The following TOP3B variants were observed in gnomAD, a reference collection of about 807,000 sequenced individuals.
TOP3B encodes DNA topoisomerase 3-beta-1.
Under a neutral mutation model 93.9 loss-of-function variants are expected in TOP3B, and 45 were observed. That is an observed-to-expected ratio of 0.48 (90% CI 0.38 to 0.61). The LOEUF (loss-of-function observed/expected upper bound fraction) is 0.61, where lower values mean the gene tolerates loss of function less well. Ranked by LOEUF, TOP3B falls within the 20% of genes least tolerant of loss-of-function variation. The pLI, the probability that TOP3B is intolerant of heterozygous loss-of-function variation, is 0.00. For missense variants in TOP3B, 750 were observed against 1,156.1 expected, an observed-to-expected ratio of 0.65 and a Z score of 5.09; for synonymous variants, 357 against 472.6, an observed-to-expected ratio of 0.76 and a Z score of 3.17.
In TOP3B at chr22:21,964,315, C is replaced by T; in HGVS notation, c.944G>A (p.Gly315Asp). Residue 315 changes from glycine (G) to aspartate (D), a missense_variant and splice_region_variant, in exon 10 of 18, where the codon GGC (glycine) becomes GAC (aspartate). By Grantham distance (94) the Gly-to-Asp change is moderately conservative. This residue lies in a region of TOP3B where 737 missense variants were observed against 933.7 expected (regional missense o/e 0.79). Coordinates refer to ENST00000357179, the MANE Select transcript of TOP3B (RefSeq NM_001282112.2). Reference protein sequence around the residue: ...EMLRVASSSLGMGPQHAMQTA... With the variant: ...EMLRVASSSLDMGPQHAMQTA... ...CTGCATGGCGTGCTGCGGCCCCATG[C>T]CTGCGAGAGACAGGAGGTTCTCAGA... The T allele has an allele frequency of 1.2e-6, 2 of 1,613,412 alleles. No homozygotes were observed. Among genetic ancestry groups the T allele is most frequent in the South Asian group, 2.2e-5 (2 of 91,074 alleles).
chr22:21,972,409 T>G (rs1328951162), intron 4 of TOP3B: 2 of 542,938 alleles, frequency 3.7e-6, no homozygotes, highest in African/African-American at 3.9e-5. Context: ...TCTCCAGGAC[T>G]GAGGGTTGGC....
chr22:21,960,562 C>T (rs1171771129), intron 13 of TOP3B, 113 bp from the exon 14 acceptor site: 26 of 1,445,990 alleles, frequency 1.8e-5, no homozygotes, highest in Admixed American at 1.1e-4. Flanking sequence ...TCACTGCTCC[C>T]GGTCACAGGA....
At chr22:21,960,270 G>A (rs2071111727) in intron 14 of TOP3B, 51 bp downstream of exon 14, 1 of 1,610,922 alleles carries the variant, frequency 6.2e-7, no homozygotes, top group African/African-American at 1.3e-5. Flanking sequence ...AACATCCAGG[G>A]AGAAGCCAGG....
At chr22:21,958,998 TGGCAAGGCC>T in intron 16 of TOP3B, 125 bp downstream of exon 16, 2 of 1,345,364 alleles carry the variant, frequency 1.5e-6, no homozygotes, top group Admixed American at 5.1e-5. Flanking sequence ...GGGTATTTTT[TGGCAAGGCC>T]TCTTTATGTT....
At chr22:21,979,483 G>A (rs2084570347) in intron 1 of TOP3B, among the ~76,000 whole-genome samples, 1 of 152,090 alleles carries the variant, frequency 6.6e-6, no homozygotes. Context: ...TGGACTCTGA[G>A]TCCCCAGGAG....
intron 6 of TOP3B, 40 bp from the exon 7 acceptor site, chr22:21,968,815 C>A: frequency 6.2e-7 from 1 of 1,611,122 alleles, no homozygotes. Flanking sequence ...CTGATTCACT[C>A]AAGACACTAT....
intron 13 of TOP3B, chr22:21,962,223 C>A: frequency 2.7e-6 from 4 of 1,505,508 alleles, no homozygotes; most frequent in South Asian, 1.3e-5. Flanking sequence ...ACAGGGAAGG[C>A]CAGGTCCTGA....
At chr22:21,958,100 G>A in intron 17 of TOP3B, 1 of 1,260,348 alleles carries the variant, frequency 7.9e-7, no homozygotes, top group Non-Finnish European at 1.0e-6. Flanking sequence ...TGCCTGCCTG[G>A]ACATGCGCTC....
At chr22:21,972,188 C>G (rs2071667442) in intron 4 of TOP3B, 5 of 533,436 alleles carry the variant, frequency 9.4e-6, no homozygotes, top group Non-Finnish European at 1.6e-5. Flanking sequence ...GCAACATGAT[C>G]TTATACCCCA....
rs191681472 is a variant in TOP3B at position 21,981,060 on chromosome 22, C to T, written c.-99+1670G>A. On this transcript the variant is annotated intron_variant, in intron 1 of 17. Transcript: ENST00000357179. ...AAGCCAGAGGCCAAAAGGGAAAACT[C>T]GCAGCAGAGGGGCATTGTTCTGTGA... 9.0e-4 allele frequency among the ~76,000 whole-genome samples: 137 copies of T among 152,334 alleles called. 1 individual carries two copies. The highest frequency in any genetic ancestry group is 1.7e-3 in the Non-Finnish European group (115 of 68,034).
rs972456416 is a variant in TOP3B, at chr22:21,968,780, A to G, written c.582-5T>C. 2.9e-5 allele frequency: 46 copies of G among 1,613,930 alleles called. No homozygotes were observed. Among genetic ancestry groups the G allele is most frequent in the Non-Finnish European group, 3.7e-5 (44 of 1,179,952 alleles). On this transcript the variant is annotated splice_polypyrimidine_tract_variant and splice_region_variant and intron_variant, in intron 6 of 17. Transcript: ENST00000357179. ...TGGAAATATTTAGTCTGAAACCTGG[A>G]GGGAGTGGAAAGATATTTTGGTCAC...
rs767509933 is a variant in TOP3B, at chr22:21,968,791, A to G, written c.582-16T>C. The G allele has an allele frequency of 5.0e-6, 8 of 1,613,792 alleles. No homozygotes were observed. Among genetic ancestry groups the G allele is most frequent in the East Asian group, 4.5e-5 (2 of 44,870 alleles). On this transcript the variant is annotated splice_polypyrimidine_tract_variant and intron_variant, in intron 6 of 17. Transcript: ENST00000357179. ...AGTCTGAAACCTGGAGGGAGTGGAA[A>G]GATATTTTGGTCACTGATTCACTCA...
At chr22:21,969,425 AC>A (rs1260811967) in intron 6 of TOP3B, 1 of 151,832 alleles carries the variant, frequency 6.6e-6, no homozygotes, top group East Asian at 1.9e-4. Context: ...ACATGGTGAA[AC>A]CCCGTCTCTA....
chr22:21,959,761 T>A (rs762728187), intron 14 of TOP3B, 25 bp from the exon 15 acceptor site: 2 of 1,608,342 alleles, frequency 1.2e-6, no homozygotes, highest in Admixed American at 3.3e-5. Context: ...GGGGCAGATA[T>A]TGCCCTGAGC....
At chr22:21,960,049 G>A in intron 14 of TOP3B, 1 of 621,860 alleles carries the variant, frequency 1.6e-6, no homozygotes, top group Non-Finnish European at 2.8e-6. Flanking sequence ...CTTGGCCCCT[G>A]GGGAACCTCC....
At chr22:21,972,886 G>A in intron 3 of TOP3B, 168 bp from the exon 4 acceptor site, 1 of 634,322 alleles carries the variant, frequency 1.6e-6, no homozygotes, top group Non-Finnish European at 2.8e-6. Context: ...TGTGGGTTCA[G>A]GCCTTTGGTA....
At chr22:21,968,075 C>T (rs558123243) in intron 7 of TOP3B, 35 of 313,074 alleles carry the variant, frequency 1.1e-4, no homozygotes, top group African/African-American at 7.2e-4. Flanking sequence ...TCAGCCACAG[C>T]AGCTCCAAGA....
At position 21,970,173 on chromosome 22, in the gene TOP3B, G is replaced by GAGGGTC; in HGVS notation, c.581+36_581+37insGACCCT. The GAGGGTC allele has an allele frequency of 6.3e-7, 1 of 1,594,568 alleles. No homozygotes were observed. The highest frequency in any genetic ancestry group is 8.5e-7 in the Non-Finnish European group (1 of 1,173,010). On this transcript the variant is annotated intron_variant, in intron 6 of 17. Transcript: ENST00000357179. This position sits in a 1 kb window ranked among gnomAD's most constrained non-coding sequence, Gnocchi z 4.4. The stretch of plus-strand genomic sequence containing the variant: ...GGCAGGTCTCTGGCTGAGGGAGAGT[G>GAGGGTC]AGGGTGTGCCCAGGACTCTGCGGGT...
chr22:21,969,930 A>ATTT (rs56123700), intron 6 of TOP3B: 16 of 177,168 alleles, frequency 9.0e-5, no homozygotes, highest in Admixed American at 3.1e-4. Flanking sequence ...CAAAAAAATA[A>ATTT]TTTTTTTTTT....
Sources: gnomAD v4.1 joint callset for allele counts (sites outside exome capture counted in the v4.1 genomes callset) on GRCh38, gnomAD v4.1.1 for gene constraint, gnomAD v4.1.1 regional missense constraint, Gnocchi (gnomAD v3.1) non-coding constraint, MANE v1.5 for transcripts, NCBI Gene and HGNC (gene_info 2026-07-23, HGNC 2026-07-21) for gene names.